The following MEI1 variants were observed in gnomAD, a reference collection of about 807,000 sequenced individuals.
MEI1 encodes meiosis inhibitor protein 1.
Under a neutral mutation model 146.2 loss-of-function variants are expected in MEI1, and 103 were observed. That is an observed-to-expected ratio of 0.70 (90% CI 0.60 to 0.83). MEI1 has a LOEUF of 0.83. Ranked by LOEUF, MEI1 falls within the 40% of genes least tolerant of loss-of-function variation. The pLI is 0.00. For missense variants in MEI1, 1,529 were observed against 1,533.0 expected (o/e 1.00, Z 0.04); for synonymous variants, 652 against 628.2 (o/e 1.04, Z -0.57).
chr22:41,748,008 G>C, intron 14 of MEI1, 99 bp from the exon 15 acceptor site: 1 of 777,130 alleles, frequency 1.3e-6, no homozygotes, highest in East Asian at 2.7e-5. Context: ...TGTCTTTCAA[G>C]TGAAAGGAGT....
At position 41,793,838 on chromosome 22, in the gene MEI1, C is replaced by G. The variant is rs1446495856; in HGVS notation, c.3355C>G (p.Leu1119Val). 1 of 1,600,272 alleles carries G rather than the reference C, an allele frequency of 6.2e-7. No individual in the cohort carries two copies. The highest frequency in any genetic ancestry group is 1.7e-5 in the Admixed American group (1 of 57,632). The change falls in exon 27 of 31, where the codon CTA (leucine) becomes GTA (valine). Residue 1119 changes from leucine to valine, a missense_variant. Physicochemically the swap from Leu to Val is conservative, Grantham distance 32 (BLOSUM62 1). Coordinates refer to ENST00000401548, the MANE Select transcript of MEI1 (RefSeq NM_152513.4). ...LQNLLVQKDPLLSQACVGCLE... is the reference protein window; with the variant it reads ...LQNLLVQKDPVLSQACVGCLE... ...TTTTTTTTTTCTGCAGAAGGACCCTCTATTGTCCCAGGCCTGTGTTGGCTG... is the reference window on the plus strand; with the variant it reads ...TTTTTTTTTTCTGCAGAAGGACCCTGTATTGTCCCAGGCCTGTGTTGGCTG...
intron 11 of MEI1, among the ~76,000 whole-genome samples, chr22:41,738,709 T>C (rs1327019541): frequency 6.6e-6 from 1 of 151,316 alleles, no homozygotes; most frequent in Non-Finnish European, 1.5e-5. Context: ...GAGTTGGAGG[T>C]TGCAGTAAGC....
intron 22 of MEI1, 89 bp from the exon 23 acceptor site, chr22:41,781,195 G>A: frequency 1.1e-6 from 1 of 880,528 alleles, no homozygotes. Flanking sequence ...CCCCAAGACT[G>A]ACATCTGAAA....
At chr22:41,796,795 A>G in intron 30 of MEI1, among the ~76,000 whole-genome samples, 1 of 151,960 alleles carries the variant, frequency 6.6e-6, no homozygotes, top group East Asian at 1.9e-4. Flanking sequence ...AAAAATACCA[A>G]AATTAGCTGG....
At chr22:41,752,565 T>C in intron 15 of MEI1, 26 bp from the exon 16 acceptor site, 1 of 1,579,144 alleles carries the variant, frequency 6.3e-7, no homozygotes, top group East Asian at 2.3e-5. Context: ...TAAACTGCTC[T>C]CTGCTTTATT....
At chr22:41,765,635 A>T (rs1052792855) in intron 19 of MEI1, among the ~76,000 whole-genome samples, 2 of 152,076 alleles carry the variant, frequency 1.3e-5, no homozygotes, top group Non-Finnish European at 2.9e-5. Context: ...ACCAATTTTT[A>T]TTTTTATCTC....
At chr22:41,713,647 C>G (rs958679081) in intron 3 of MEI1, among the ~76,000 whole-genome samples, 1 of 152,232 alleles carries the variant, frequency 6.6e-6, no homozygotes, top group Non-Finnish European at 1.5e-5. Context: ...CTGCCGGGTT[C>G]AAGCAATTCT....
chr22:41,785,561 CTATT>C (rs1193654945), intron 26 of MEI1, among the ~76,000 whole-genome samples: 3 of 151,650 alleles, frequency 2.0e-5, no homozygotes, highest in East Asian at 2.0e-4. Context: ...TGCACCTGGC[CTATT>C]TATTTATTTG....
At chr22:41,705,657 A>G in intron 3 of MEI1, 103 bp downstream of exon 3, 3 of 935,792 alleles carry the variant, frequency 3.2e-6, no homozygotes, top group South Asian at 1.3e-5. Context: ...TTAGACACAG[A>G]TAAGAGGAAC....
At position 41,770,691 on chromosome 22, in the gene MEI1, G is replaced by T; in HGVS notation, c.2274G>T (p.Met758Ile). ...TTTCTTTGTTTTGCCTCCAGACTATGGTCAGTGCAATCAGAAAATTCCTAG... is the reference window on the plus strand; with the variant it reads ...TTTCTTTGTTTTGCCTCCAGACTATTGTCAGTGCAATCAGAAAATTCCTAG... ...QDKDNTLRET[M>I]VSAIRKFLEG... Residue 758 changes from methionine to isoleucine, a missense_variant, in exon 20 of 31, where the codon ATG becomes ATT. By Grantham distance (10) the Met-to-Ile change is conservative (BLOSUM62 1). Coordinates refer to ENST00000401548, the MANE Select transcript of MEI1 (RefSeq NM_152513.4). The T allele has an allele frequency of 6.2e-7, 1 of 1,613,586 alleles. No individual in the cohort carries two copies. The highest frequency in any genetic ancestry group is 8.5e-7 in the Non-Finnish European group (1 of 1,179,768).
In MEI1 at chr22:41,723,837, G is replaced by A. The variant is rs148310068; in HGVS notation, c.734-106G>A. 46 of 1,328,500 alleles carry A rather than the reference G, an allele frequency of 3.5e-5. No homozygotes were observed. The East Asian group carries it at 9.8e-4, about 28-fold the overall frequency. The allele number at this position is 1,328,500 out of a possible 1,614,324, so 82.3% of individuals were successfully genotyped here. On this transcript the variant is annotated intron_variant, in intron 6 of 30. Transcript: ENST00000401548. ...AGGATTCTAACCATTCTTCATATTT[G>A]TAGAGGGATGAAGAAGTTTCTCTGG...
intron 15 of MEI1, among the ~76,000 whole-genome samples, chr22:41,751,008 G>A (rs139361023): frequency 5.3e-5 from 8 of 152,128 alleles, no homozygotes; most frequent in African/African-American, 1.9e-4. Context: ...GTAGAAAAAG[G>A]CTGTGAGATC....
rs367643570 is a variant in MEI1, at chr22:41,718,199, C to T, written c.658C>T (p.Arg220Cys). Residue 220 changes from arginine to cysteine, a missense_variant, in exon 6 of 31, where the codon CGT (arginine) becomes TGT (cysteine). Physicochemically the swap from Arg to Cys is radical, Grantham distance 180. This residue lies in a region of MEI1 where 1,212 missense variants were observed against 1,178.9 expected (regional missense o/e 1.03). Transcript: ENST00000401548. Reference protein sequence around the residue: ...VAAEMLSGHFREKLFPLFLSI... With the variant: ...VAAEMLSGHFCEKLFPLFLSI... Reference sequence around the variant, plus strand: ...AGCTGAGATGCTTTCAGGACACTTCCGTGAGAAGCTTTTTCCCCTCTTCCT... The same window carrying T: ...AGCTGAGATGCTTTCAGGACACTTCTGTGAGAAGCTTTTTCCCCTCTTCCT... The T allele has an allele frequency of 2.2e-5, 36 of 1,613,838 alleles. No individual in the cohort carries two copies. The highest frequency in any genetic ancestry group is 2.2e-4 in the Admixed American group (13 of 59,980).
At chr22:41,753,876 A>G (rs2073930546) in intron 16 of MEI1, 73 bp from the exon 17 acceptor site, 1 of 1,036,078 alleles carries the variant, frequency 9.7e-7, no homozygotes. Flanking sequence ...GCCCAGGCAT[A>G]TGGCAGGGAT....
At chr22:41,718,979 CTTTT>C (rs146120400) in intron 6 of MEI1, among the ~76,000 whole-genome samples, 1 of 111,232 alleles carries the variant, frequency 9.0e-6, no homozygotes, top group Non-Finnish European at 1.8e-5. Flanking sequence ...TCAAGTGATT[CTTTT>C]TTTTTTTTTT....
At chr22:41,729,430 G>A (rs563061001) in intron 7 of MEI1, among the ~76,000 whole-genome samples, 5 of 152,300 alleles carry the variant, frequency 3.3e-5, no homozygotes, top group Non-Finnish European at 5.9e-5. Context: ...TTCTTTGAGT[G>A]CCCCTGGTGA....
At position 41,776,130 on chromosome 22, in the gene MEI1, C is replaced by T; in HGVS notation, c.2573C>T (p.Thr858Ile). Residue 858 changes from threonine (T) to isoleucine (I), a missense_variant, in exon 21 of 31, where the codon ACA becomes ATA. Thr to Ile is a moderately conservative substitution (Grantham distance 89). This residue lies in a region of MEI1 where 1,212 missense variants were observed against 1,178.9 expected (regional missense o/e 1.03). Transcript: ENST00000401548. The part of the protein sequence containing the change: ...LDLIYSSPVD[T>I]AHKVLISLRT... ...CTCATCTATTCCAGCCCAGTGGACA[C>T]AGCTCACAAGGTACTGATTAGCCTG... is the stretch of plus-strand genomic sequence containing the variant. 2 of 1,613,988 alleles carry T rather than the reference C, an allele frequency of 1.2e-6. No individual in the cohort carries two copies. The highest frequency in any genetic ancestry group is 1.7e-6 in the Non-Finnish European group (2 of 1,179,870).
At chr22:41,758,192 GT>G (rs1256214161) in intron 17 of MEI1, among the ~76,000 whole-genome samples, 172 bp from the exon 18 acceptor site, 1 of 152,054 alleles carries the variant, frequency 6.6e-6, no homozygotes, top group Non-Finnish European at 1.5e-5. Context: ...GTCTTTCCCG[GT>G]AGGTTGAACC....
intron 6 of MEI1, chr22:41,722,243 A>G (rs2070918110): frequency 6.6e-6 from 1 of 151,496 alleles, no homozygotes; most frequent in Non-Finnish European, 1.5e-5. Context: ...ATTCTGTCTT[A>G]TGTCATCTTA....
Sources: gnomAD v4.1 joint callset for allele counts (sites outside exome capture counted in the v4.1 genomes callset) on GRCh38, gnomAD v4.1.1 for gene constraint, gnomAD v4.1.1 regional missense constraint, MANE v1.5 for transcripts, NCBI Gene and HGNC (gene_info 2026-07-23, HGNC 2026-07-21) for gene names.